PLEKHA7: variants seen among roughly 807,000 people sequenced by gnomAD.
PLEKHA7 encodes the protein pleckstrin homology domain-containing family A member 7.
PLEKHA7 carries 104 observed loss-of-function variants against 170.0 expected under a neutral mutation model. The ratio of observed to expected loss-of-function variants is 0.61; its 90% CI spans 0.52 to 0.72. PLEKHA7 has a LOEUF of 0.72. PLEKHA7 is among the 30% of genes least tolerant of loss of function. The pLI is 0.00. For missense variants in PLEKHA7, 1,615 were observed against 1,671.7 expected (o/e 0.97, Z 0.59); for synonymous variants, 648 against 660.8 (o/e 0.98, Z 0.30).
rs182985314 is a variant in PLEKHA7, at chr11:16,898,753, G to A, written c.222-27571C>T. The stretch of plus-strand genomic sequence containing the variant: ...AATCCTGGCCTTTATCATCTCTCAC[G>A]TGGACTAGTCCAACACCCTCCTAAC... On this transcript the variant is annotated intron_variant, in intron 3 of 26. Transcript: ENST00000531066. 2.0e-3 allele frequency among the ~76,000 whole-genome samples: 303 copies of A among 152,080 alleles called. 1 individual carries two copies. Among genetic ancestry groups the A allele is most frequent in the Non-Finnish European group, 1.7e-3 (115 of 68,008 alleles).
chr11:16,806,187 G>A (rs370591449), intron 13 of PLEKHA7, among the ~76,000 whole-genome samples: 5 of 152,346 alleles, frequency 3.3e-5, no homozygotes, highest in African/African-American at 1.2e-4. Context: ...TGTCTCCTAT[G>A]GACGAAAGGT....
rs1230651051 is a variant in PLEKHA7 at position 16,778,839 on chromosome 11, C to G, written c.*159G>C. On this transcript the variant is annotated 3_prime_UTR_variant, in exon 27 of 27. Coordinates refer to ENST00000531066, the MANE Select transcript of PLEKHA7 (RefSeq NM_001329630.2). ...CTAAACTAGTGGGTGCATATTAGGGCCTGGCCTGTGGTGAACACCCGCAGT... is the reference window on the plus strand; with the variant it reads ...CTAAACTAGTGGGTGCATATTAGGGGCTGGCCTGTGGTGAACACCCGCAGT... 19 of 659,618 alleles carry G rather than the reference C, an allele frequency of 2.9e-5. No individual in the cohort carries two copies. 40.9% of individuals were successfully genotyped at this position (659,618 alleles called of 1,614,324 possible).
At chr11:16,925,878 A>G (rs1033125627) in intron 3 of PLEKHA7, among the ~76,000 whole-genome samples, 1 of 152,176 alleles carries the variant, frequency 6.6e-6, no homozygotes, top group African/African-American at 2.4e-5. Flanking sequence ...TTCCTCGTAG[A>G]GGATGCTGCA....
At chr11:16,871,064 C>CTGCCCAGAT (rs761038121) in intron 4 of PLEKHA7, 35 bp downstream of exon 4, 1 of 1,500,704 alleles carries the variant, frequency 6.7e-7, no homozygotes, top group East Asian at 2.3e-5. Context: ...CTCCCATACT[C>CTGCCCAGAT]TGCCCAGATA....
chr11:16,989,320 C>A (rs139716019), intron 3 of PLEKHA7, among the ~76,000 whole-genome samples: 7 of 152,200 alleles, frequency 4.6e-5, no homozygotes, highest in African/African-American at 1.7e-4. Context: ...TACTGAGAGA[C>A]CATAGACAAA....
chr11:16,944,539 T>C (rs989451461), intron 3 of PLEKHA7, among the ~76,000 whole-genome samples: 1 of 121,928 alleles, frequency 8.2e-6, no homozygotes, highest in Admixed American at 7.7e-5. Context: ...AAAGTTCTTC[T>C]CCTTAAAAAA....
At chr11:16,864,774 T>G (rs866831405) in intron 4 of PLEKHA7, among the ~76,000 whole-genome samples, 2 of 152,356 alleles carry the variant, frequency 1.3e-5, no homozygotes, top group African/African-American at 4.8e-5. Flanking sequence ...GGAACTGTGT[T>G]AATTAAACCT....
Position 16,979,091 on chromosome 11 carries a change from G to A in PLEKHA7, c.221+34898C>T, listed in dbSNP as rs1056740426. Among the ~76,000 whole-genome samples the A allele has an allele frequency of 6.6e-5, 10 of 152,266 alleles. No individual in the cohort carries two copies. The South Asian group carries it at 1.7e-3, about 25-fold the overall frequency. On this transcript the variant is annotated intron_variant, in intron 3 of 26. Coordinates refer to ENST00000531066, the MANE Select transcript of PLEKHA7 (RefSeq NM_001329630.2). ...CTTGTTGTGCTGCCCAGGCTGGAGC[G>A]CAGTGGCACGATCTTGGCTCATTGC... is the stretch of plus-strand genomic sequence containing the variant.
chr11:16,895,190 T>C (rs1227796965), intron 3 of PLEKHA7, among the ~76,000 whole-genome samples: 2 of 152,150 alleles, frequency 1.3e-5, no homozygotes, highest in African/African-American at 4.8e-5. Context: ...AGCTATCTTA[T>C]TAGGGGCCTC....
intron 3 of PLEKHA7, among the ~76,000 whole-genome samples, chr11:16,920,158 TTTG>T (rs1858982956): frequency 2.6e-5 from 4 of 152,342 alleles, no homozygotes; most frequent in Middle Eastern, 3.4e-3. Flanking sequence ...ATCAGAAATG[TTTG>T]TTATTACTAC....
chr11:17,007,330 T>A (rs567359873), intron 3 of PLEKHA7, among the ~76,000 whole-genome samples: 11 of 147,946 alleles, frequency 7.4e-5, no homozygotes, highest in South Asian at 2.1e-4. Flanking sequence ...GAAAAAAAAA[T>A]TTTTTTTTTG....
At chr11:16,854,219 C>T (rs1310482363) in intron 6 of PLEKHA7, among the ~76,000 whole-genome samples, 1 of 152,206 alleles carries the variant, frequency 6.6e-6, no homozygotes, top group Non-Finnish European at 1.5e-5. Flanking sequence ...CAGCCATGAA[C>T]AGAGAACCCC....
chr11:16,801,211 G>T, intron 16 of PLEKHA7, 136 bp from the exon 17 acceptor site: 1 of 750,060 alleles, frequency 1.3e-6, no homozygotes, highest in Non-Finnish European at 2.3e-6. Context: ...TGGTGGGAGA[G>T]AGAGAGGAGC....
chr11:17,012,178 C>G (rs1261493659), intron 3 of PLEKHA7, among the ~76,000 whole-genome samples: 1 of 152,200 alleles, frequency 6.6e-6, no homozygotes, highest in Non-Finnish European at 1.5e-5. Context: ...AAACACACAC[C>G]AAATCATGCC....
At chr11:16,959,901 C>T (rs759899236) in intron 3 of PLEKHA7, among the ~76,000 whole-genome samples, 2 of 152,092 alleles carry the variant, frequency 1.3e-5, no homozygotes, top group Non-Finnish European at 2.9e-5. Context: ...CAGGGCCTGC[C>T]TCCCCGGGCC....
At chr11:16,782,032 G>T (rs747749537) in intron 26 of PLEKHA7, among the ~76,000 whole-genome samples, 1 of 151,948 alleles carries the variant, frequency 6.6e-6, no homozygotes, top group Admixed American at 6.6e-5. Flanking sequence ...AGGAGCCTGC[G>T]GTCTCCTTCC....
At chr11:16,787,164 G>T in intron 23 of PLEKHA7, 1 of 985,420 alleles carries the variant, frequency 1.0e-6, no homozygotes, top group Non-Finnish European at 1.2e-6. Context: ...GTTGACCCAG[G>T]ACCTGCATCC....
intron 3 of PLEKHA7, chr11:16,975,125 C>G (rs1316353460): frequency 6.5e-6 from 3 of 461,162 alleles, no homozygotes; most frequent in African/African-American, 4.1e-5. Flanking sequence ...TGTGCCCCAC[C>G]ACAATCAGGA....
In PLEKHA7 at chr11:16,854,983, GA is replaced by G; in HGVS notation, c.427del (p.Ser143ProfsTer25). On this transcript the variant is annotated frameshift_variant, in exon 6 of 27. Transcript: ENST00000531066. LOFTEE classifies it high-confidence loss of function. ...EAKPGPKIIK[S>X]SSKVHSFGKR... ...CCCAAAGCTGTGGACTTTACTGCTG[GA>G]CTTTATGATCTATGAAAAAGCAGAC... 6.2e-7 allele frequency: 1 copy of G among 1,613,880 alleles called. No homozygotes were observed. Among genetic ancestry groups the G allele is most frequent in the Non-Finnish European group, 8.5e-7 (1 of 1,179,820 alleles).
Sources: allele counts gnomAD v4.1 joint callset (sites outside exome capture counted in the v4.1 genomes callset), GRCh38; gene constraint gnomAD v4.1.1; transcripts MANE v1.5; gene names NCBI Gene and HGNC (gene_info 2026-07-23, HGNC 2026-07-21).